Variants in C2CD2 observed in about 807,000 individuals in gnomAD.
C2CD2 encodes the protein C2 domain-containing protein 2.
C2CD2 carries 43 observed loss-of-function variants against 74.3 expected under a neutral mutation model. The ratio of observed to expected loss-of-function variants is 0.58; its 90% CI spans 0.45 to 0.75. The LOEUF (loss-of-function observed/expected upper bound fraction) is 0.75, where lower values mean the gene tolerates loss of function less well. Among genes scored for constraint, C2CD2 ranks in the 30% least tolerant of loss-of-function variants. The pLI is 0.00. For missense variants in C2CD2, 801 were observed against 916.3 expected, an observed-to-expected ratio of 0.87 and a Z score of 1.63; for synonymous variants, 422 against 390.7, an observed-to-expected ratio of 1.08 and a Z score of -0.94.
At chr21:41,910,436 G>A (rs117240771) in intron 7 of C2CD2, among the ~76,000 whole-genome samples, 3,923 of 152,162 alleles carry the variant, frequency 0.026, 68 homozygotes, top group Non-Finnish European at 0.036. Context: ...CATTTAGGTC[G>A]ACGGATGGCA....
chr21:41,899,271 G>A lies in C2CD2; in HGVS notation c.1652C>T (p.Pro551Leu), dbSNP rs369378310. The A allele has an allele frequency of 3.8e-5, 62 of 1,611,838 alleles. No individual in the cohort carries two copies. Among genetic ancestry groups the A allele is most frequent in the African/African-American group, 3.5e-4 (26 of 74,882 alleles). The change falls in exon 13 of 14, where the codon CCG (proline) becomes CTG (leucine). Residue 551 changes from proline to leucine, a missense_variant. Coordinates refer to ENST00000380486, the MANE Select transcript of C2CD2 (RefSeq NM_015500.2). The surrounding 1 kb of genome is among the most constrained non-coding windows in gnomAD (Gnocchi z 4.4). Reference protein sequence around the residue: ...STHQEDAPSHPERAAASAPPE... With the variant: ...STHQEDAPSHLERAAASAPPE... The stretch of plus-strand genomic sequence containing the variant: ...CGGGGCAGAGGCTGCCGCCCTCTCC[G>A]GATGGGATGGGGCGTCCTCCTGGTG...
At chr21:41,914,792 A>G in intron 5 of C2CD2, 71 bp from the exon 6 acceptor site, 2 of 1,375,750 alleles carry the variant, frequency 1.5e-6, no homozygotes, top group Admixed American at 3.8e-5. Flanking sequence ...TAGCCACTGG[A>G]CTCCTGTTAT....
chr21:41,946,119 T>G (rs1165192430), intron 1 of C2CD2, among the ~76,000 whole-genome samples: 1 of 152,032 alleles, frequency 6.6e-6, no homozygotes, highest in Admixed American at 6.6e-5. Context: ...AAACAGAAAG[T>G]CACCATCAAG....
chr21:41,894,073 T>C (rs2064791733), intron 13 of C2CD2, among the ~76,000 whole-genome samples: 1 of 152,230 alleles, frequency 6.6e-6, no homozygotes, highest in Non-Finnish European at 1.5e-5. Flanking sequence ...TGTGCAAATC[T>C]TCCTGAAATC....
Position 41,907,925 on chromosome 21 carries a change from GTT to G in C2CD2, c.1019-143_1019-142del. 4 of 840,762 alleles carry G rather than the reference GTT, an allele frequency of 4.8e-6. No homozygotes were observed. In the South Asian group the frequency reaches 6.0e-5, roughly 13 times the overall value. The allele number at this position is 840,762 out of a possible 1,614,324, so 52.1% of individuals were successfully genotyped here. A position where few individuals can be genotyped will look rare whatever the true frequency, so the allele number is the denominator to read the frequency against. The stretch of plus-strand genomic sequence containing the variant: ...CGGGGAAGTGCTCACGTTTCAGAAT[GTT>G]TGAAAAATGTCGATGCCATAAAAGA... On this transcript the variant is annotated intron_variant, in intron 8 of 13. Transcript: ENST00000380486.
rs536797013 is a variant in C2CD2 at position 41,888,826 on chromosome 21, A to C, written c.*298T>G. 1 of 447,362 alleles carries C rather than the reference A, an allele frequency of 2.2e-6. No individual in the cohort carries two copies. The highest frequency in any genetic ancestry group is 2.0e-5 in the African/African-American group (1 of 50,910). The allele number at this position is 447,362 out of a possible 1,614,324, so 27.7% of individuals were successfully genotyped here. On this transcript the variant is annotated 3_prime_UTR_variant, in exon 14 of 14. Transcript: ENST00000380486. ...ATTAGAGCATATTATTTCACTTATA[A>C]TGTTAATCTCCTTCTAATATTGAAC...
In C2CD2 at chr21:41,923,569, TCAAA is replaced by T. The variant is rs1275253606; in HGVS notation, c.379-1488_379-1485del. Among the ~76,000 whole-genome samples, 9 of 152,146 alleles carry T rather than the reference TCAAA, an allele frequency of 5.9e-5. No homozygotes were observed. The highest frequency in any genetic ancestry group is 2.2e-4 in the African/African-American group (9 of 41,434). On this transcript the variant is annotated intron_variant, in intron 2 of 13. Coordinates refer to ENST00000380486, the MANE Select transcript of C2CD2 (RefSeq NM_015500.2). This position sits in a 1 kb window ranked among gnomAD's most constrained non-coding sequence, Gnocchi z 5.8. Reference sequence around the variant, plus strand: ...AGTAATTGGAAAAACATACAAAGTATCAAACAATTATAAAATTATGCAGCCGTAC... The same window carrying T: ...AGTAATTGGAAAAACATACAAAGTATCAATTATAAAATTATGCAGCCGTAC...
At chr21:41,914,933 T>G (rs534318190) in intron 5 of C2CD2, among the ~76,000 whole-genome samples, 44 of 152,156 alleles carry the variant, frequency 2.9e-4, no homozygotes, top group Non-Finnish European at 5.4e-4. Flanking sequence ...TCCTCCTGCC[T>G]GGGAGCATTT....
intron 11 of C2CD2, among the ~76,000 whole-genome samples, chr21:41,904,656 G>A (rs1188135900): frequency 6.6e-6 from 1 of 152,168 alleles, no homozygotes; most frequent in Non-Finnish European, 1.5e-5. Context: ...TCCCACAAGA[G>A]GAGGAGGCAG....
chr21:41,889,636 TC>T (rs1379569140), intron 13 of C2CD2, among the ~76,000 whole-genome samples: 3 of 108,086 alleles, frequency 2.8e-5, no homozygotes, highest in African/African-American at 6.1e-5. Flanking sequence ...GAATTTTTTT[TC>T]TTTTTTTTTT....
rs148934155 is a variant in C2CD2 at position 41,890,135 on chromosome 21, T to C, written c.1871-791A>G. Among the ~76,000 whole-genome samples the C allele has an allele frequency of 4.0e-3, 607 of 152,326 alleles. 6 individuals carry two copies. Among genetic ancestry groups the C allele is most frequent in the African/African-American group, 0.014 (584 of 41,560 alleles). ...AGACCCTGAGAACAATGGTATTCACTTTCTTAGGAATGTTAAATAATATTT... is the reference window on the plus strand; with the variant it reads ...AGACCCTGAGAACAATGGTATTCACCTTCTTAGGAATGTTAAATAATATTT... On this transcript the variant is annotated intron_variant, in intron 13 of 13. Transcript: ENST00000380486.
chr21:41,893,226 T>C (rs769762300), intron 13 of C2CD2, among the ~76,000 whole-genome samples: 16 of 152,298 alleles, frequency 1.1e-4, no homozygotes, highest in South Asian at 8.3e-4. Flanking sequence ...TGATAATTTA[T>C]GCAAGTGAAA....
At chr21:41,890,245 C>T (rs568085799) in intron 13 of C2CD2, among the ~76,000 whole-genome samples, 1 of 152,252 alleles carries the variant, frequency 6.6e-6, no homozygotes, top group South Asian at 2.1e-4. Context: ...GTTACTTGGG[C>T]ATATTTGGCC....
chr21:41,909,545 T>G (rs1020156009), intron 7 of C2CD2, 22 bp from the exon 8 acceptor site: 1 of 1,549,358 alleles, frequency 6.5e-7, no homozygotes, highest in African/African-American at 1.4e-5. Context: ...AAACAAGTTA[T>G]GAGTCCTAAA....
chr21:41,904,221 C>G (rs1246425773), intron 11 of C2CD2, among the ~76,000 whole-genome samples: 1 of 152,188 alleles, frequency 6.6e-6, no homozygotes, highest in Non-Finnish European at 1.5e-5. Context: ...TGCTAAAAGA[C>G]ACTCCCACCA....
At chr21:41,920,081 C>T (rs2065138974) in intron 3 of C2CD2, among the ~76,000 whole-genome samples, 1 of 152,244 alleles carries the variant, frequency 6.6e-6, no homozygotes, top group South Asian at 2.1e-4. Context: ...CCACTGACAG[C>T]CACAAGAAAA....
At chr21:41,928,787 G>A (rs117947445) in intron 2 of C2CD2, among the ~76,000 whole-genome samples, 2 of 152,174 alleles carry the variant, frequency 1.3e-5, no homozygotes, top group Non-Finnish European at 2.9e-5. Context: ...CGAGTTATGG[G>A]TTTCCCCTAG....
Position 41,887,783 on chromosome 21 carries a change from C to T in C2CD2, c.*1341G>A, listed in dbSNP as rs1014573552. ...CCATTTCCGTCTCCATGACAGAAGC[C>T]AAGCTTTCGTAACAGCCTTTTACAT... On this transcript the variant is annotated 3_prime_UTR_variant, in exon 14 of 14. Transcript: ENST00000380486. The T allele has an allele frequency of 6.6e-6, 1 of 152,190 alleles. No individual in the cohort carries two copies. The highest frequency in any genetic ancestry group is 2.4e-5 in the African/African-American group (1 of 41,440). 9.4% of individuals were successfully genotyped at this position (152,190 alleles called of 1,614,324 possible).
At chr21:41,935,806 C>T (rs563726793) in intron 2 of C2CD2, among the ~76,000 whole-genome samples, 3 of 152,042 alleles carry the variant, frequency 2.0e-5, no homozygotes, top group South Asian at 2.1e-4. Flanking sequence ...AAGCCAAGGT[C>T]GCGCTCCAGC....
Sources: gnomAD v4.1 joint callset for allele counts (sites outside exome capture counted in the v4.1 genomes callset) on GRCh38, gnomAD v4.1.1 for gene constraint, Gnocchi (gnomAD v3.1) non-coding constraint, MANE v1.5 for transcripts, NCBI Gene and HGNC (gene_info 2026-07-23, HGNC 2026-07-21) for gene names.